The following SDK1 variants were observed in gnomAD, a reference collection of about 807,000 sequenced individuals.
The protein encoded by SDK1 is sidekick cell adhesion molecule 1.
A neutral mutation model predicts 245.5 loss-of-function variants in SDK1; 157 were observed. The observed-to-expected ratio is 0.64, with a 90% CI of 0.56 to 0.73. SDK1 has a LOEUF of 0.73. SDK1 is among the 30% of genes least tolerant of loss of function. The pLI is 0.00. For missense variants in SDK1, 3,583 were observed against 3,002.3 expected, an observed-to-expected ratio of 1.19 and a Z score of -4.52; for synonymous variants, 1,647 against 1,278.5, an observed-to-expected ratio of 1.29 and a Z score of -6.15.
chr7:3,803,942 T>A (rs1779175381), intron 4 of SDK1, among the ~76,000 whole-genome samples: 2 of 152,006 alleles, frequency 1.3e-5, no homozygotes, highest in Non-Finnish European at 2.9e-5. Context: ...TTTTTTGTAT[T>A]TTTAGTAGAG....
chr7:3,827,183 A>C (rs1779796753), intron 5 of SDK1, among the ~76,000 whole-genome samples: 1 of 152,196 alleles, frequency 6.6e-6, no homozygotes, highest in African/African-American at 2.4e-5. Flanking sequence ...GGGGAAGCTC[A>C]ATATGCCCGG....
chr7:4,102,914 G>A (rs528799214), intron 22 of SDK1, among the ~76,000 whole-genome samples: 9 of 132,166 alleles, frequency 6.8e-5, no homozygotes, highest in South Asian at 2.5e-4. Flanking sequence ...GCCTTTGTCC[G>A]AAATATCATA....
At position 3,500,838 on chromosome 7, in the gene SDK1, G is replaced by C. The variant is rs1434322684; in HGVS notation, c.299-118242G>C. ...TGTTTTTTTTCATTTTTTATTTTTT[G>C]ACATTTTACTTTCTGGGAGATTTCA... On this transcript the variant is annotated intron_variant, in intron 1 of 44. Coordinates refer to ENST00000404826, the MANE Select transcript of SDK1 (RefSeq NM_152744.4). 2.0e-5 allele frequency among the ~76,000 whole-genome samples: 3 copies of C among 148,678 alleles called. No homozygotes were observed. The East Asian group carries it at 5.9e-4, about 29-fold the overall frequency.
At chr7:3,333,206 A>T in intron 1 of SDK1, among the ~76,000 whole-genome samples, 1 of 152,144 alleles carries the variant, frequency 6.6e-6, no homozygotes, top group Non-Finnish European at 1.5e-5. Context: ...TTTCTACTGA[A>T]GGCCAAAATG....
At chr7:4,261,052 T>C (rs1454308115) in intron 44 of SDK1, among the ~76,000 whole-genome samples, 1 of 152,180 alleles carries the variant, frequency 6.6e-6, no homozygotes, top group Non-Finnish European at 1.5e-5. Flanking sequence ...GTTAGTTTCA[T>C]GTAAATATTC....
At chr7:3,548,622 C>T (rs988905895) in intron 1 of SDK1, among the ~76,000 whole-genome samples, 43 of 152,160 alleles carry the variant, frequency 2.8e-4, no homozygotes, top group African/African-American at 1.0e-3. Flanking sequence ...TGTTTGAGGG[C>T]ACCCAGGCTT....
intron 4 of SDK1, among the ~76,000 whole-genome samples, chr7:3,662,041 A>ATTTTTTTTTTTTTTT (rs572659449): frequency 3.2e-5 from 4 of 125,776 alleles, no homozygotes; most frequent in Non-Finnish European, 3.2e-5. Context: ...CAACGGTTGT[A>ATTTTTTTTTTTTTTT]TTTTTTTTTT....
intron 28 of SDK1, among the ~76,000 whole-genome samples, chr7:4,139,673 G>T (rs200177667): frequency 6.2e-5 from 2 of 32,248 alleles, no homozygotes; most frequent in African/African-American, 1.3e-4. Context: ...ATGTGTGTGT[G>T]TATATGTGTG....
intron 4 of SDK1, among the ~76,000 whole-genome samples, chr7:3,696,550 C>G (rs1217896165): frequency 4.9e-5 from 7 of 142,976 alleles, no homozygotes; most frequent in African/African-American, 1.8e-4. Context: ...CTCTTTCTCA[C>G]AGAGCTTACA....
intron 26 of SDK1, among the ~76,000 whole-genome samples, chr7:4,129,155 G>T (rs1784608714): frequency 6.9e-6 from 1 of 144,176 alleles, no homozygotes; most frequent in East Asian, 2.0e-4. Context: ...GCTTAGGGTT[G>T]GGTGCCCTGG....
chr7:4,085,839 G>C (rs191753297), intron 22 of SDK1, among the ~76,000 whole-genome samples: 42 of 152,318 alleles, frequency 2.8e-4, no homozygotes, highest in African/African-American at 7.9e-4. Context: ...ACAGGTGTGA[G>C]CCACTGCACC....
At chr7:3,672,769 A>ATATATATATATATG (rs1583293626) in intron 4 of SDK1, among the ~76,000 whole-genome samples, 2 of 87,814 alleles carry the variant, frequency 2.3e-5, no homozygotes, top group African/African-American at 8.3e-5. Context: ...TTATATATAT[A>ATATATATATATATG]TATATATATA....
At chr7:4,109,134 G>T (rs1338457560) in intron 22 of SDK1, among the ~76,000 whole-genome samples, 1 of 152,196 alleles carries the variant, frequency 6.6e-6, no homozygotes, top group Non-Finnish European at 1.5e-5. Context: ...GCATGTGCCT[G>T]CAGGTATCTG....
At chr7:4,056,355 C>T (rs1157058151) in intron 19 of SDK1, among the ~76,000 whole-genome samples, 9 of 152,052 alleles carry the variant, frequency 5.9e-5, no homozygotes, top group Admixed American at 3.3e-4. Context: ...CTTCAGGGGC[C>T]AGCTGACCAC....
chr7:3,462,803 G>T (rs574096263), intron 1 of SDK1, among the ~76,000 whole-genome samples: 4 of 152,220 alleles, frequency 2.6e-5, no homozygotes, highest in African/African-American at 9.6e-5. Context: ...AACTGTAGTA[G>T]ATGTAGTCTC....
intron 4 of SDK1, among the ~76,000 whole-genome samples, chr7:3,669,588 C>T (rs1252809525): frequency 1.3e-5 from 2 of 152,144 alleles, no homozygotes; most frequent in African/African-American, 4.8e-5. Flanking sequence ...TGCCAACTTG[C>T]CTTCCTCCAC....
In SDK1 at chr7:3,558,336, C is replaced by T. The variant is rs112840361; in HGVS notation, c.299-60744C>T. Among the ~76,000 whole-genome samples the T allele has an allele frequency of 7.2e-5, 11 of 152,350 alleles. 2 individuals are homozygous for T. Among genetic ancestry groups the T allele is most frequent in the African/African-American group, 2.4e-4 (10 of 41,588 alleles). On this transcript the variant is annotated intron_variant, in intron 1 of 44. Transcript: ENST00000404826. Reference sequence around the variant, plus strand: ...ACATTCTTTTTATTTCCATCTCATACTTTCTTCTCCCTGGATTTTGGCACA... The same window carrying T: ...ACATTCTTTTTATTTCCATCTCATATTTTCTTCTCCCTGGATTTTGGCACA...
At chr7:3,719,096 A>G (rs1030244972) in intron 4 of SDK1, among the ~76,000 whole-genome samples, 2 of 152,224 alleles carry the variant, frequency 1.3e-5, no homozygotes, top group Non-Finnish European at 2.9e-5. Flanking sequence ...CCAAATCTAT[A>G]TTATAGGTAT....
chr7:3,578,323 G>C (rs1317575838), intron 1 of SDK1, among the ~76,000 whole-genome samples: 3 of 152,036 alleles, frequency 2.0e-5, no homozygotes, highest in Non-Finnish European at 4.4e-5. Flanking sequence ...AGGTCACAAA[G>C]ATCACATGCT....
Sources: allele counts gnomAD v4.1 joint callset (sites outside exome capture counted in the v4.1 genomes callset), GRCh38; gene constraint gnomAD v4.1.1; transcripts MANE v1.5; gene names NCBI Gene and HGNC (gene_info 2026-07-23, HGNC 2026-07-21).